The following TC2N variants were observed in gnomAD, a reference collection of about 807,000 sequenced individuals.
TC2N encodes tandem C2 domains nuclear protein.
In TC2N, 51 loss-of-function variants were observed where a neutral mutation model predicts 61.9. The ratio of observed to expected loss-of-function variants is 0.82; its 90% CI spans 0.66 to 1.04. The LOEUF is 1.04. Ranked by LOEUF, TC2N falls within the 50% of genes least tolerant of loss-of-function variation. The probability of loss-of-function intolerance (pLI) is 0.00; values close to 1 mark genes in which losing one functional copy is unlikely to be tolerated. For synonymous variants in TC2N, 204 were observed against 192.6 expected (o/e 1.06, Z -0.49); for missense variants, 556 against 566.7 (o/e 0.98, Z 0.19).
intron 1 of TC2N, among the ~76,000 whole-genome samples, chr14:91,862,841 T>C (rs922403555): frequency 1.4e-4 from 22 of 152,312 alleles, no homozygotes; most frequent in South Asian, 6.2e-4. Flanking sequence ...TTTAATCTCA[T>C]TGAAGGCCCT....
At chr14:91,793,356 A>G (rs8010839) in intron 8 of TC2N, among the ~76,000 whole-genome samples, 131,310 of 152,206 alleles carry the variant, frequency 0.86, 58,794 homozygotes, top group Non-Finnish European at 0.97. Context: ...TGAAAAGGCA[A>G]GATATCTGGG....
At position 91,804,184 on chromosome 14, in the gene TC2N, A is replaced by G. The variant is rs772876577; in HGVS notation, c.302-1763T>C. 5.8e-4 allele frequency among the ~76,000 whole-genome samples: 88 copies of G among 152,352 alleles called. 1 individual carries two copies. In the Middle Eastern group the frequency reaches 0.014, roughly 24 times the overall value. On this transcript the variant is annotated intron_variant, in intron 3 of 11. Transcript: ENST00000435962. ...AATGGTTAAAAGCAAAAAGACGGAC[A>G]ATAGTACGTGTTGGCAAGAAAGTAG... is the stretch of plus-strand genomic sequence containing the variant.
intron 1 of TC2N, among the ~76,000 whole-genome samples, chr14:91,835,548 C>A (rs974164520): frequency 6.6e-6 from 1 of 152,186 alleles, no homozygotes; most frequent in Admixed American, 6.5e-5. Context: ...TTTGGCTTGG[C>A]ATCTATCTTG....
chr14:91,852,975 G>A (rs556702208), intron 1 of TC2N, among the ~76,000 whole-genome samples: 1 of 152,296 alleles, frequency 6.6e-6, no homozygotes, highest in East Asian at 1.9e-4. Context: ...GGAGGCTGAG[G>A]CAGGAGAATG....
intron 8 of TC2N, among the ~76,000 whole-genome samples, chr14:91,796,305 C>T (rs1002615005): frequency 3.7e-4 from 56 of 151,988 alleles, no homozygotes; most frequent in Non-Finnish European, 1.2e-4. Flanking sequence ...TATACACATA[C>T]ACACACAACC....
intron 1 of TC2N, among the ~76,000 whole-genome samples, chr14:91,841,762 T>C (rs1045272394): frequency 4.6e-5 from 7 of 152,196 alleles, no homozygotes; most frequent in African/African-American, 1.7e-4. Context: ...GGCTTCAGGA[T>C]GGCTGGCTAG....
Position 91,782,972 on chromosome 14 carries a change from T to C in TC2N, c.*128A>G. Reference sequence around the variant, plus strand: ...ATCAAATTTTCTATCAGATACATTATATACCATAATTATAGCCCCCATAAA... The same window carrying C: ...ATCAAATTTTCTATCAGATACATTACATACCATAATTATAGCCCCCATAAA... On this transcript the variant is annotated 3_prime_UTR_variant, in exon 12 of 12. Coordinates refer to ENST00000435962, the MANE Select transcript of TC2N (RefSeq NM_001128596.3). The C allele has an allele frequency of 1.6e-6, 1 of 609,556 alleles. No individual in the cohort carries two copies. The highest frequency in any genetic ancestry group is 2.9e-6 in the Non-Finnish European group (1 of 343,834). The allele number at this position is 609,556 out of a possible 1,614,324, so 37.8% of individuals were successfully genotyped here.
intron 10 of TC2N, among the ~76,000 whole-genome samples, chr14:91,786,184 T>A (rs1329554881): frequency 6.6e-6 from 1 of 152,210 alleles, no homozygotes; most frequent in African/African-American, 2.4e-5. Context: ...TAAGCTGTTT[T>A]AAGGGAAGCC....
At chr14:91,850,522 A>G (rs560611062) in intron 1 of TC2N, among the ~76,000 whole-genome samples, 60 of 152,308 alleles carry the variant, frequency 3.9e-4, no homozygotes, top group African/African-American at 1.4e-3. Flanking sequence ...CATCACTCAT[A>G]TTACCACCTG....
chr14:91,858,724 G>A (rs1309506780), intron 1 of TC2N, among the ~76,000 whole-genome samples: 1 of 152,108 alleles, frequency 6.6e-6, no homozygotes, highest in Non-Finnish European at 1.5e-5. Flanking sequence ...GTGTGTGGTG[G>A]CCCTAGTCAC....
Position 91,782,614 on chromosome 14 carries a change from A to C in TC2N, c.*486T>G, listed in dbSNP as rs1457130498. On this transcript the variant is annotated 3_prime_UTR_variant, in exon 12 of 12. Transcript: ENST00000435962. Reference sequence around the variant, plus strand: ...GAAAATAGTTGAAATGGTTCAATTCATTTTTACCGGGAGAAAATACATAGC... The same window carrying C: ...GAAAATAGTTGAAATGGTTCAATTCCTTTTTACCGGGAGAAAATACATAGC... 6.6e-6 allele frequency: 1 copy of C among 152,118 alleles called. No individual in the cohort carries two copies. Among genetic ancestry groups the C allele is most frequent in the Admixed American group, 6.6e-5 (1 of 15,248 alleles). 9.4% of individuals were successfully genotyped at this position (152,118 alleles called of 1,614,324 possible).
chr14:91,860,919 G>T (rs1255065537), intron 1 of TC2N, among the ~76,000 whole-genome samples: 3 of 152,186 alleles, frequency 2.0e-5, no homozygotes, highest in African/African-American at 7.2e-5. Context: ...GGCAATTAAG[G>T]GTTCTTTGTG....
intron 10 of TC2N, among the ~76,000 whole-genome samples, chr14:91,787,281 A>G (rs1226617682): frequency 6.6e-6 from 1 of 152,206 alleles, no homozygotes; most frequent in Non-Finnish European, 1.5e-5. Context: ...GAGCTAAATA[A>G]AAAACAGTAT....
At position 91,837,423 on chromosome 14, in the gene TC2N, T is replaced by C. The variant is rs1888066515; in HGVS notation, c.-56-23598A>G. 6.6e-6 allele frequency among the ~76,000 whole-genome samples: 1 copy of C among 152,194 alleles called. No individual in the cohort carries two copies. The highest frequency in any genetic ancestry group is 2.1e-4 in the South Asian group (1 of 4,830). On this transcript the variant is annotated intron_variant, in intron 1 of 11. Coordinates refer to ENST00000435962, the MANE Select transcript of TC2N (RefSeq NM_001128596.3). This position sits in a 1 kb window ranked among gnomAD's most constrained non-coding sequence, Gnocchi z 4.2. Reference sequence around the variant, plus strand: ...TTTGTAGAGATGAAGTCTTATTATATGGCCCAGGCTAGTCTTGAACTCCTG... The same window carrying C: ...TTTGTAGAGATGAAGTCTTATTATACGGCCCAGGCTAGTCTTGAACTCCTG...
At chr14:91,811,706 T>C (rs940345120) in intron 3 of TC2N, among the ~76,000 whole-genome samples, 1 of 152,102 alleles carries the variant, frequency 6.6e-6, no homozygotes, top group Non-Finnish European at 1.5e-5. Flanking sequence ...ATTCTAGACA[T>C]GTGACGGATA....
chr14:91,820,521 T>C (rs1039859269), intron 1 of TC2N, among the ~76,000 whole-genome samples: 2 of 151,804 alleles, frequency 1.3e-5, no homozygotes, highest in Non-Finnish European at 2.9e-5. Context: ...TGGTGAAAGA[T>C]TGAAAGTCTC....
chr14:91,858,387 G>T (rs187684403), intron 1 of TC2N, among the ~76,000 whole-genome samples: 51 of 152,152 alleles, frequency 3.4e-4, no homozygotes, highest in Admixed American at 3.0e-3. Context: ...GCTCAGAGAG[G>T]CCAGATGACT....
intron 11 of TC2N, 82 bp from the exon 12 acceptor site, chr14:91,783,292 G>A (rs1885214268): frequency 4.2e-6 from 3 of 715,770 alleles, no homozygotes; most frequent in Non-Finnish European, 4.6e-6. Context: ...TCTTACTGAT[G>A]GAAGAAATTT....
chr14:91,861,551 G>A (rs1318246003), intron 1 of TC2N, among the ~76,000 whole-genome samples: 2 of 152,240 alleles, frequency 1.3e-5, no homozygotes, highest in African/African-American at 4.8e-5. Flanking sequence ...GAGAAAGAAA[G>A]AAGAGAGAGA....
Sources: allele counts gnomAD v4.1 joint callset (sites outside exome capture counted in the v4.1 genomes callset), GRCh38; gene constraint gnomAD v4.1.1; non-coding constraint Gnocchi (gnomAD v3.1); transcripts MANE v1.5; gene names NCBI Gene and HGNC (gene_info 2026-07-23, HGNC 2026-07-21).